Variants in KLHL32 observed in about 807,000 individuals in gnomAD.
KLHL32 encodes kelch-like protein 32.
KLHL32 carries 35 observed loss-of-function variants against 64.8 expected under a neutral mutation model. That is an observed-to-expected ratio of 0.54 (90% CI 0.41 to 0.72). The LOEUF is 0.72. Ranked by LOEUF, KLHL32 falls within the 30% of genes least tolerant of loss-of-function variation. KLHL32 has a pLI of 0.00. For missense variants in KLHL32, 589 were observed against 768.5 expected (o/e 0.77, Z 2.76); for synonymous variants, 259 against 281.0 (o/e 0.92, Z 0.78).
At chr6:97,073,891 A>G (rs561145413) in intron 5 of KLHL32, among the ~76,000 whole-genome samples, 1 of 152,114 alleles carries the variant, frequency 6.6e-6, no homozygotes, top group East Asian at 1.9e-4. Context: ...CTGTCTATCC[A>G]CAAGTATCTT....
the KLHL32 span, among the ~76,000 whole-genome samples, chr6:96,917,517 AAAC>A: frequency 1.3e-5 from 2 of 152,222 alleles, no homozygotes; most frequent in African/African-American, 4.8e-5. Flanking sequence ...TGGCAACAGA[AAAC>A]AACAGCTATG....
intron 3 of KLHL32, among the ~76,000 whole-genome samples, chr6:97,037,629 G>A (rs1291412815): frequency 6.6e-6 from 1 of 152,084 alleles, no homozygotes; most frequent in Non-Finnish European, 1.5e-5. Flanking sequence ...CAGATTCAAT[G>A]CAATCCATAT....
rs187404410 is a variant in KLHL32 at position 97,047,290 on chromosome 6, G to A, written c.312+5691G>A. 2.8e-3 allele frequency among the ~76,000 whole-genome samples: 420 copies of A among 152,304 alleles called. 4 individuals carry two copies. Among genetic ancestry groups the A allele is most frequent in the African/African-American group, 9.6e-3 (399 of 41,566 alleles). ...AATGAGAAATATGCCCTTCTTCTGG[G>A]CACACTGTGTTTGGGACACTGCTTG... On this transcript the variant is annotated intron_variant, in intron 4 of 10. Transcript: ENST00000369261.
At chr6:97,114,926 T>C (rs1312316158) in intron 7 of KLHL32, among the ~76,000 whole-genome samples, 2 of 152,206 alleles carry the variant, frequency 1.3e-5, no homozygotes, top group African/African-American at 4.8e-5. Context: ...GCCCAGTTAA[T>C]CCATTTTTCT....
intron 3 of KLHL32, among the ~76,000 whole-genome samples, chr6:97,026,105 T>A (rs1367574840): frequency 6.6e-6 from 1 of 152,006 alleles, no homozygotes; most frequent in African/African-American, 2.4e-5. Context: ...TATATATATA[T>A]AAATGTTCAT....
intron 4 of KLHL32, among the ~76,000 whole-genome samples, chr6:97,052,067 C>A (rs1787000731): frequency 6.6e-6 from 1 of 152,186 alleles, no homozygotes; most frequent in Non-Finnish European, 1.5e-5. Flanking sequence ...AACATACTTA[C>A]ACAAATTACT....
At chr6:96,982,237 T>A (rs1776403804) in intron 3 of KLHL32, among the ~76,000 whole-genome samples, 1 of 152,186 alleles carries the variant, frequency 6.6e-6, no homozygotes, top group Non-Finnish European at 1.5e-5. Flanking sequence ...AGTGCTCCTG[T>A]GTTGCGTGAA....
chr6:97,057,140 G>T (rs1188823230), intron 4 of KLHL32, among the ~76,000 whole-genome samples: 8 of 131,746 alleles, frequency 6.1e-5, no homozygotes, highest in South Asian at 2.7e-4. Flanking sequence ...AACAAAATAT[G>T]TACAAAAAAT....
At chr6:96,926,165 C>T (rs1174537566) in intron 1 of KLHL32, among the ~76,000 whole-genome samples, 2 of 152,152 alleles carry the variant, frequency 1.3e-5, no homozygotes, top group African/African-American at 4.8e-5. Flanking sequence ...ACAAATGGCC[C>T]AGTAAAGATC....
rs1774527811 is a variant in KLHL32, at chr6:96,967,024, C to T, written c.-37C>T. 6.2e-6 allele frequency: 10 copies of T among 1,607,256 alleles called. No individual in the cohort carries two copies. Among genetic ancestry groups the T allele is most frequent in the Non-Finnish European group, 8.5e-6 (10 of 1,174,054 alleles). ...GAATGCTTGCTGATTCCTCTGCACA[C>T]TTCTAAGGCTGAGAACCTGAGGAAC... is the stretch of plus-strand genomic sequence containing the variant. On this transcript the variant is annotated 5_prime_UTR_variant, in exon 2 of 11. Coordinates refer to ENST00000369261, the MANE Select transcript of KLHL32 (RefSeq NM_052904.4).
chr6:97,113,143 A>G (rs1466813459), intron 6 of KLHL32, among the ~76,000 whole-genome samples: 1 of 152,146 alleles, frequency 6.6e-6, no homozygotes, highest in African/African-American at 2.4e-5. Flanking sequence ...CTTCAAGGTA[A>G]AAGTTAATTG....
intron 4 of KLHL32, among the ~76,000 whole-genome samples, chr6:97,049,154 T>G (rs1042796587): frequency 2.6e-5 from 4 of 152,240 alleles, no homozygotes; most frequent in Admixed American, 6.5e-5. Context: ...CTATGTTTTT[T>G]TCCTATCCAT....
At chr6:97,078,793 G>T (rs1415580765) in intron 5 of KLHL32, among the ~76,000 whole-genome samples, 1 of 152,156 alleles carries the variant, frequency 6.6e-6, no homozygotes, top group East Asian at 1.9e-4. Context: ...ATCCACTGTA[G>T]ACTAACTCCA....
At chr6:96,917,448 G>A in the KLHL32 span, among the ~76,000 whole-genome samples, 1 of 152,210 alleles carries the variant, frequency 6.6e-6, no homozygotes, top group Non-Finnish European at 1.5e-5. Flanking sequence ...TCTACTGTCT[G>A]ACCTGAGGTC....
At chr6:96,901,745 C>A in the KLHL32 span, among the ~76,000 whole-genome samples, 3 of 152,156 alleles carry the variant, frequency 2.0e-5, no homozygotes, top group South Asian at 6.2e-4. Flanking sequence ...ACCCTCCGAC[C>A]TCCAACAGGC....
chr6:97,122,237 T>A (rs1798442427), intron 7 of KLHL32, among the ~76,000 whole-genome samples: 1 of 152,230 alleles, frequency 6.6e-6, no homozygotes, highest in Non-Finnish European at 1.5e-5. Flanking sequence ...CCTGCCTTTA[T>A]AGGTATTTTG....
intron 10 of KLHL32, among the ~76,000 whole-genome samples, chr6:97,137,619 C>T (rs1251993070): frequency 1.3e-5 from 2 of 152,132 alleles, no homozygotes; most frequent in African/African-American, 4.8e-5. Context: ...ACTGCAAGCT[C>T]TGCCTCCTGG....
intron 4 of KLHL32, among the ~76,000 whole-genome samples, chr6:97,043,479 G>C (rs1273372867): frequency 1.3e-5 from 2 of 152,044 alleles, no homozygotes; most frequent in Admixed American, 6.6e-5. Context: ...GGACAACTAG[G>C]TTGCATTCAT....
rs1164684042 is a variant in KLHL32, at chr6:96,925,546, TAAAG to T, written c.-66+526_-66+529del. On this transcript the variant is annotated intron_variant, in intron 1 of 10. Coordinates refer to ENST00000369261, the MANE Select transcript of KLHL32 (RefSeq NM_052904.4). ...ATTTACTCCCATTTTGGTGATCTTA[TAAAG>T]AAAGATGACTGCAGTTTAGATCCCT... is the stretch of plus-strand genomic sequence containing the variant. 2.0e-5 allele frequency among the ~76,000 whole-genome samples: 3 copies of T among 152,236 alleles called. No individual in the cohort carries two copies. In the East Asian group the frequency reaches 5.8e-4, roughly 29 times the overall value.
Sources: allele counts gnomAD v4.1 joint callset (sites outside exome capture counted in the v4.1 genomes callset), GRCh38; gene constraint gnomAD v4.1.1; transcripts MANE v1.5; gene names NCBI Gene and HGNC (gene_info 2026-07-23, HGNC 2026-07-21).